The following PDLIM5 variants were observed in gnomAD, a reference collection of about 807,000 sequenced individuals.
PDLIM5 encodes PDZ and LIM domain 5.
In PDLIM5, 34 loss-of-function variants were observed where a neutral mutation model predicts 64.2. The observed-to-expected ratio is 0.53, with a 90% CI of 0.40 to 0.71. The LOEUF (loss-of-function observed/expected upper bound fraction) is 0.71. Among genes scored for constraint, PDLIM5 ranks in the 30% least tolerant of loss-of-function variants. The pLI is 0.00. For synonymous variants in PDLIM5, 253 were observed against 269.1 expected (o/e 0.94, Z 0.59); for missense variants, 683 against 733.6 (o/e 0.93, Z 0.80).
At chr4:94,528,809 C>G (rs1730602950) in intron 3 of PDLIM5, among the ~76,000 whole-genome samples, 1 of 152,140 alleles carries the variant, frequency 6.6e-6, no homozygotes, top group Admixed American at 6.5e-5. Context: ...AAAAATAAAG[C>G]ATGTGAGGGA....
intron 10 of PDLIM5, among the ~76,000 whole-genome samples, chr4:94,656,426 A>G (rs556578993): frequency 6.6e-6 from 1 of 152,160 alleles, no homozygotes; most frequent in South Asian, 2.1e-4. Context: ...CCATTGGGCC[A>G]TTGCTGACTA....
intron 2 of PDLIM5, among the ~76,000 whole-genome samples, chr4:94,492,341 T>C (rs2126121052): frequency 6.6e-6 from 1 of 152,112 alleles, no homozygotes; most frequent in East Asian, 1.9e-4. Context: ...TTGGAATGAA[T>C]TTATTAGGAT....
At chr4:94,494,052 T>C (rs1044191334) in intron 2 of PDLIM5, among the ~76,000 whole-genome samples, 1 of 152,072 alleles carries the variant, frequency 6.6e-6, no homozygotes, top group Non-Finnish European at 1.5e-5. Flanking sequence ...CTCTACTTGC[T>C]GGGTTCAAGT....
chr4:94,512,648 G>A (rs1172799462), intron 2 of PDLIM5, among the ~76,000 whole-genome samples: 1 of 151,782 alleles, frequency 6.6e-6, no homozygotes, highest in Non-Finnish European at 1.5e-5. Context: ...TTGTTTGTCA[G>A]ATGGGTAGTT....
intron 3 of PDLIM5, among the ~76,000 whole-genome samples, chr4:94,546,954 T>C (rs1020189752): frequency 1.4e-4 from 21 of 152,026 alleles, no homozygotes; most frequent in Non-Finnish European, 2.2e-4. Context: ...TAACTGTTAA[T>C]GATCTTAGGG....
chr4:94,562,537 G>T (rs1733936966), intron 3 of PDLIM5, among the ~76,000 whole-genome samples: 1 of 152,158 alleles, frequency 6.6e-6, no homozygotes, highest in African/African-American at 2.4e-5. Flanking sequence ...CACTGAAATT[G>T]AGAATAAGCA....
chr4:94,561,604 A>G (rs560800537), intron 3 of PDLIM5, among the ~76,000 whole-genome samples: 2 of 152,324 alleles, frequency 1.3e-5, no homozygotes, highest in South Asian at 4.1e-4. Context: ...TGTGACTCTA[A>G]TAAAAGAGGA....
chr4:94,489,674 C>G (rs2126117468), intron 2 of PDLIM5, among the ~76,000 whole-genome samples: 1 of 151,916 alleles, frequency 6.6e-6, no homozygotes, highest in South Asian at 2.1e-4. Flanking sequence ...ACCTATAATC[C>G]CAGCATTTTG....
At chr4:94,527,043 A>ATTT (rs1276607125) in intron 3 of PDLIM5, among the ~76,000 whole-genome samples, 16 of 94,270 alleles carry the variant, frequency 1.7e-4, no homozygotes, top group East Asian at 3.7e-4. Context: ...CCTGAACAGC[A>ATTT]TTCTTTTTTT....
intron 7 of PDLIM5, among the ~76,000 whole-genome samples, chr4:94,601,349 A>T (rs553026030): frequency 1.3e-5 from 2 of 152,060 alleles, no homozygotes; most frequent in African/African-American, 4.8e-5. Flanking sequence ...TGACCTAATC[A>T]TCTCCCAGAG....
In PDLIM5 at chr4:94,571,841, TGCTCATTATAATAACCCTACAA is replaced by T. The variant is rs532493692; in HGVS notation, c.249-1506_249-1485del. 9.1e-3 allele frequency among the ~76,000 whole-genome samples: 1,389 copies of T among 152,342 alleles called. 41 individuals carry two copies. Among genetic ancestry groups the T allele is most frequent in the Admixed American group, 0.055 (847 of 15,292 alleles). Reference sequence around the variant, plus strand: ...GTTCTTTACTTGAACTTGTTTCCTTTGCTCATTATAATAACCCTACAAGCTAAAAGAGAAGTTGTCTATTAAA... The same window carrying T: ...GTTCTTTACTTGAACTTGTTTCCTTTGCTAAAAGAGAAGTTGTCTATTAAA... On this transcript the variant is annotated intron_variant, in intron 3 of 12. Transcript: ENST00000317968.
chr4:94,568,153 A>G (rs1734500035), intron 3 of PDLIM5, among the ~76,000 whole-genome samples: 1 of 152,358 alleles, frequency 6.6e-6, no homozygotes, highest in African/African-American at 2.4e-5. Flanking sequence ...ACACCTTAAC[A>G]TGATCTAAAC....
intron 10 of PDLIM5, 76 bp downstream of exon 10, chr4:94,654,716 C>T: frequency 3.2e-6 from 3 of 927,658 alleles, no homozygotes; most frequent in Non-Finnish European, 5.0e-6. Flanking sequence ...TCTTCTATCA[C>T]TTTAACTTTT....
rs1033349901 is a variant in PDLIM5 at position 94,665,662 on chromosome 4, CTT to C, written c.*1597_*1598del. On this transcript the variant is annotated 3_prime_UTR_variant, in exon 13 of 13. Coordinates refer to ENST00000317968, the MANE Select transcript of PDLIM5 (RefSeq NM_006457.5). ...TGGCTGATGAAGAGTTGAGAGGTCT[CTT>C]TGCAGAATGATCTTTTTGTTTCGTT... 3.8e-6 allele frequency: 4 copies of C among 1,051,106 alleles called. No individual in the cohort carries two copies. Among genetic ancestry groups the C allele is most frequent in the Non-Finnish European group, 3.4e-6 (3 of 872,930 alleles). The allele number at this position is 1,051,106 out of a possible 1,614,324, so 65.1% of individuals were successfully genotyped here.
chr4:94,620,905 T>C (rs1174250033), intron 8 of PDLIM5, among the ~76,000 whole-genome samples: 1 of 151,232 alleles, frequency 6.6e-6, no homozygotes, highest in Non-Finnish European at 1.5e-5. Flanking sequence ...CTGTCTCTAC[T>C]AAAAATAAAA....
At chr4:94,647,589 G>A (rs1433509401) in intron 9 of PDLIM5, among the ~76,000 whole-genome samples, 2 of 152,222 alleles carry the variant, frequency 1.3e-5, no homozygotes, top group African/African-American at 4.8e-5. Context: ...AGATATAATT[G>A]ATTACTGGTC....
intron 3 of PDLIM5, among the ~76,000 whole-genome samples, chr4:94,543,809 T>TG (rs1313200081): frequency 6.7e-6 from 1 of 150,350 alleles, no homozygotes; most frequent in Non-Finnish European, 1.5e-5. Flanking sequence ...TGTGTGTGTG[T>TG]GTGTGTGTGT....
At chr4:94,610,133 C>T (rs1216472866) in intron 7 of PDLIM5, 1 of 1,424,862 alleles carries the variant, frequency 7.0e-7, no homozygotes, top group Admixed American at 2.3e-5. Context: ...TTTTGTTCCT[C>T]TCCTGTTTTT....
chr4:94,515,507 T>C (rs1729282941), intron 2 of PDLIM5, among the ~76,000 whole-genome samples: 1 of 152,182 alleles, frequency 6.6e-6, no homozygotes, highest in African/African-American at 2.4e-5. Flanking sequence ...AGGCCTGTGA[T>C]TTTTCCTCCT....
Sources: gnomAD v4.1 joint callset for allele counts (sites outside exome capture counted in the v4.1 genomes callset) on GRCh38, gnomAD v4.1.1 for gene constraint, MANE v1.5 for transcripts, NCBI Gene and HGNC (gene_info 2026-07-23, HGNC 2026-07-21) for gene names.